Variants in TMEM64 observed in about 807,000 individuals in gnomAD.
TMEM64 encodes transmembrane protein 64.
In TMEM64, 19 loss-of-function variants were observed where a neutral mutation model predicts 24.5. That is an observed-to-expected ratio of 0.78 (90% CI 0.54 to 1.14). The LOEUF is 1.14. Ranked by LOEUF, TMEM64 falls within the 50% of genes most tolerant of loss-of-function variation. The pLI is 0.00. For synonymous variants in TMEM64, 262 were observed against 224.7 expected, an observed-to-expected ratio of 1.17 and a Z score of -1.49; for missense variants, 487 against 493.0, an observed-to-expected ratio of 0.99 and a Z score of 0.12.
chr8:90,635,399 TTTTA>T (rs1809503751), intron 1 of TMEM64, among the ~76,000 whole-genome samples: 3 of 151,458 alleles, frequency 2.0e-5, no homozygotes, highest in South Asian at 2.1e-4. Flanking sequence ...TTTTATTTTA[TTTTA>T]TTTTTTTTGA....
At chr8:90,627,225 T>C (rs1231863478) in intron 2 of TMEM64, among the ~76,000 whole-genome samples, 1 of 151,838 alleles carries the variant, frequency 6.6e-6, no homozygotes, top group African/African-American at 2.4e-5. Flanking sequence ...CAGAGCATAC[T>C]GGGGGTATGG....
rs1301042412 is a variant in TMEM64, at chr8:90,638,046, T to C, written c.796-6339A>G. On this transcript the variant is annotated intron_variant, in intron 1 of 2. Coordinates refer to ENST00000458549, the MANE Select transcript of TMEM64 (RefSeq NM_001008495.4). ...TCTCTGGGGAAATCTATCCACCGTC[T>C]GGGCCTATTTCTAATTCAGTCTCCT... Among the ~76,000 whole-genome samples, 3 of 152,148 alleles carry C rather than the reference T, an allele frequency of 2.0e-5. No individual in the cohort carries two copies. The East Asian group carries it at 5.8e-4, about 29-fold the overall frequency.
At chr8:90,641,356 T>C (rs1349877834) in intron 1 of TMEM64, among the ~76,000 whole-genome samples, 2 of 149,202 alleles carry the variant, frequency 1.3e-5, no homozygotes, top group Non-Finnish European at 1.5e-5. Flanking sequence ...GTATATGAAA[T>C]ATTCTTGTGG....
intron 2 of TMEM64, among the ~76,000 whole-genome samples, chr8:90,626,629 C>CTTTTT (rs34029067): frequency 1.6e-4 from 17 of 105,812 alleles, no homozygotes; most frequent in South Asian, 6.0e-4. Flanking sequence ...TTTTTTCTTT[C>CTTTTT]TTTTTTTTTT....
At chr8:90,627,536 T>C (rs531611937) in intron 2 of TMEM64, among the ~76,000 whole-genome samples, 46 of 152,256 alleles carry the variant, frequency 3.0e-4, no homozygotes, top group African/African-American at 1.0e-3. Flanking sequence ...TCGAGGTGCC[T>C]CTTAGATATC....
At chr8:90,643,462 CACA>C (rs1398447298) in intron 1 of TMEM64, among the ~76,000 whole-genome samples, 10 of 152,192 alleles carry the variant, frequency 6.6e-5, no homozygotes, top group African/African-American at 2.4e-4. Context: ...AGCAGGATTT[CACA>C]ACACCAGCCC....
intron 1 of TMEM64, among the ~76,000 whole-genome samples, chr8:90,643,401 A>C (rs544434492): frequency 2.6e-5 from 4 of 152,222 alleles, no homozygotes; most frequent in Non-Finnish European, 4.4e-5. Flanking sequence ...AAGAAACTGA[A>C]GCCCAGAGAG....
At chr8:90,641,430 G>A (rs1418603505) in intron 1 of TMEM64, among the ~76,000 whole-genome samples, 1 of 152,096 alleles carries the variant, frequency 6.6e-6, no homozygotes, top group African/African-American at 2.4e-5. Context: ...ACAAAATTGG[G>A]CTGTGGTTTT....
chr8:90,645,360 G>A lies in TMEM64; in HGVS notation c.546C>T (p.Asn182=). 1 of 1,552,896 alleles carries A rather than the reference G, an allele frequency of 6.4e-7. No homozygotes were observed. The highest frequency in any genetic ancestry group is 8.7e-7 in the Non-Finnish European group (1 of 1,147,688). ...FPCGWGYIVL[N]VAAGYLYGFV... ...AGCCGTACAGGTAGCCAGCGGCCAC[G>A]TTGAGCACGATGTAGCCCCAGCCGC... is the stretch of plus-strand genomic sequence containing the variant. Residue 182 remains asparagine (N), a synonymous_variant, in exon 1 of 3, where the codon AAC becomes AAT. Transcript: ENST00000458549. The surrounding 1 kb of genome is among the most constrained non-coding windows in gnomAD (Gnocchi z 4.2).
chr8:90,624,348 AAAGAGATACCTACCAGAAAAT>A lies in TMEM64; in HGVS notation c.*1302_*1322del, dbSNP rs1251373180. The A allele has an allele frequency of 6.6e-6, 1 of 152,088 alleles. No homozygotes were observed. Among genetic ancestry groups the A allele is most frequent in the Non-Finnish European group, 1.5e-5 (1 of 67,938 alleles). The allele number at this position is 152,088 out of a possible 1,614,324, so 9.4% of individuals were successfully genotyped here. On this transcript the variant is annotated 3_prime_UTR_variant, in exon 3 of 3. Coordinates refer to ENST00000458549, the MANE Select transcript of TMEM64 (RefSeq NM_001008495.4). ...ATAAGTTGGAATCATCATAGCAAAA[AAAGAGATACCTACCAGAAAAT>A]TTGCATTAATATCTATAACCTCATT...
chr8:90,645,542 T>C lies in TMEM64; in HGVS notation c.364A>G (p.Ser122Gly), dbSNP rs984126434. ...CCLGSTCWCR[S>G]LVLVCVLAAL... ...GCCAACACGCAGACCAGCACGAGGC[T>C]CCGGCACCAACAGGTGCTGCCGAGG... Residue 122 changes from serine (S) to glycine (G), a missense_variant, in exon 1 of 3, where the codon AGC (serine) becomes GGC (glycine). Transcript: ENST00000458549. This position sits in a 1 kb window ranked among gnomAD's most constrained non-coding sequence, Gnocchi z 4.2. 6.5e-7 allele frequency: 1 copy of C among 1,548,132 alleles called. No individual in the cohort carries two copies. Among genetic ancestry groups the C allele is most frequent in the African/African-American group, 1.4e-5 (1 of 72,980 alleles).
chr8:90,628,255 G>A (rs900362791), intron 2 of TMEM64, among the ~76,000 whole-genome samples: 1 of 152,178 alleles, frequency 6.6e-6, no homozygotes, highest in African/African-American at 2.4e-5. Context: ...AATGCTAACT[G>A]GAAAGCAAGC....
chr8:90,639,142 C>T (rs948127164), intron 1 of TMEM64, among the ~76,000 whole-genome samples: 1 of 152,014 alleles, frequency 6.6e-6, no homozygotes, highest in African/African-American at 2.4e-5. Context: ...AAGAAGGCCG[C>T]AGCAGTGCTG....
chr8:90,631,458 C>A, intron 2 of TMEM64, 94 bp downstream of exon 2: 1 of 1,098,774 alleles, frequency 9.1e-7, no homozygotes, highest in Non-Finnish European at 1.3e-6. Flanking sequence ...TGGAAAAACC[C>A]TCTGATTATT....
At chr8:90,626,621 T>C (rs1348454373) in intron 2 of TMEM64, among the ~76,000 whole-genome samples, 3 of 134,590 alleles carry the variant, frequency 2.2e-5, no homozygotes, top group South Asian at 2.3e-4. Flanking sequence ...TGTACTTTTT[T>C]TTTCTTTCTT....
chr8:90,644,057 A>G (rs1186771890), intron 1 of TMEM64, among the ~76,000 whole-genome samples: 2 of 152,256 alleles, frequency 1.3e-5, no homozygotes, highest in Non-Finnish European at 2.9e-5. Context: ...AAAATAATGC[A>G]TCAGAATCAC....
At position 90,624,556 on chromosome 8, in the gene TMEM64, A is replaced by G. The variant is rs968224952; in HGVS notation, c.*1115T>C. On this transcript the variant is annotated 3_prime_UTR_variant, in exon 3 of 3. Transcript: ENST00000458549. ...AAGAATTGAGACAATTTCACATTTC[A>G]GAATTCCTGAGTCTTATCAGAGAAA... is the stretch of plus-strand genomic sequence containing the variant. The G allele has an allele frequency of 6.6e-5, 10 of 152,554 alleles. No homozygotes were observed. Among genetic ancestry groups the G allele is most frequent in the African/African-American group, 1.2e-4 (5 of 41,462 alleles). The allele number at this position is 152,554 out of a possible 1,614,324, so 9.5% of individuals were successfully genotyped here.
intron 1 of TMEM64, among the ~76,000 whole-genome samples, chr8:90,639,409 T>C (rs1215016680): frequency 6.6e-6 from 1 of 152,132 alleles, no homozygotes; most frequent in Non-Finnish European, 1.5e-5. Context: ...CCTTGAATCT[T>C]CTCTCAAGGG....
chr8:90,633,537 G>A (rs373746272), intron 1 of TMEM64, among the ~76,000 whole-genome samples: 25 of 152,150 alleles, frequency 1.6e-4, no homozygotes, highest in African/African-American at 5.8e-4. Context: ...CATGACACAC[G>A]TATCTTAACT....
Sources: allele counts gnomAD v4.1 joint callset (sites outside exome capture counted in the v4.1 genomes callset), GRCh38; gene constraint gnomAD v4.1.1; non-coding constraint Gnocchi (gnomAD v3.1); transcripts MANE v1.5; gene names NCBI Gene and HGNC (gene_info 2026-07-23, HGNC 2026-07-21).